The following PCDH7 variants were observed in gnomAD, a reference collection of about 807,000 sequenced individuals.
PCDH7 encodes the protein protocadherin 7.
In PCDH7, 17 loss-of-function variants were observed where a neutral mutation model predicts 58.9. The ratio of observed to expected loss-of-function variants is 0.29; its 90% CI spans 0.20 to 0.43. The LOEUF (loss-of-function observed/expected upper bound fraction) is 0.43. Ranked by LOEUF, PCDH7 falls within the 20% of genes least tolerant of loss-of-function variation. PCDH7 has a pLI of 1.00. For synonymous variants in PCDH7, 664 were observed against 616.4 expected, an observed-to-expected ratio of 1.08 and a Z score of -1.14; for missense variants, 1,274 against 1,441.0, an observed-to-expected ratio of 0.88 and a Z score of 1.88.
intron 1 of PCDH7, among the ~76,000 whole-genome samples, chr4:30,797,433 C>T (rs1007753835): frequency 7.9e-5 from 12 of 151,880 alleles, no homozygotes; most frequent in Admixed American, 5.3e-4. Context: ...CCACCACGCC[C>T]GGCTAATTTT....
chr4:30,740,373 G>A lies in PCDH7; in HGVS notation c.70+15777G>A, dbSNP rs79052420. 2.3e-3 allele frequency among the ~76,000 whole-genome samples: 343 copies of A among 152,180 alleles called. 1 individual carries two copies. The highest frequency in any genetic ancestry group is 8.1e-3 in the East Asian group (42 of 5,176). Reference sequence around the variant, plus strand: ...AGTTTCACCTTAAATCTTACCTTATGCAAAACAAAAGATGGGAAGATGCAT... The same window carrying A: ...AGTTTCACCTTAAATCTTACCTTATACAAAACAAAAGATGGGAAGATGCAT... On this transcript the variant is annotated intron_variant, in intron 1 of 3. Transcript: ENST00000509759.
intron 2 of PCDH7, chr4:30,925,977 C>G (rs1743817397): frequency 6.6e-6 from 1 of 152,124 alleles, no homozygotes; most frequent in Admixed American, 6.5e-5. Context: ...GGCTTTACCT[C>G]CTACAAGGAG....
At chr4:30,736,441 A>T (rs1333488065), downstream of PCDH7, among the ~76,000 whole-genome samples, 2 of 152,054 alleles carry the variant, frequency 1.3e-5, no homozygotes, top group Non-Finnish European at 2.9e-5. Context: ...GTGGTGTGCG[A>T]CTGTGTTAAC....
intron 1 of PCDH7, among the ~76,000 whole-genome samples, chr4:30,761,783 G>C (rs1720062740): frequency 6.6e-6 from 1 of 152,086 alleles, no homozygotes; most frequent in African/African-American, 2.4e-5. Flanking sequence ...TTCTTAAAAT[G>C]AATAATATAA....
At chr4:30,978,536 G>A (rs193001935) in intron 3 of PCDH7, among the ~76,000 whole-genome samples, 5 of 152,042 alleles carry the variant, frequency 3.3e-5, no homozygotes, top group African/African-American at 4.8e-5. Flanking sequence ...TGGTTCAAAC[G>A]TGCATATGTT....
chr4:30,754,050 C>T (rs1271992393), intron 1 of PCDH7, among the ~76,000 whole-genome samples: 1 of 152,134 alleles, frequency 6.6e-6, no homozygotes, highest in African/African-American at 2.4e-5. Flanking sequence ...ACCCTATACA[C>T]ACGCTTCTCC....
At chr4:30,898,672 G>A (rs1184716714) in intron 1 of PCDH7, among the ~76,000 whole-genome samples, 1 of 152,136 alleles carries the variant, frequency 6.6e-6, no homozygotes, top group Non-Finnish European at 1.5e-5. Flanking sequence ...CTCACTGCAA[G>A]CTCCACCTCC....
intron 3 of PCDH7, among the ~76,000 whole-genome samples, chr4:31,042,968 A>T (rs939316001): frequency 6.6e-6 from 1 of 152,074 alleles, no homozygotes; most frequent in Non-Finnish European, 1.5e-5. Flanking sequence ...AGGGTATCAC[A>T]TTCTGAGGGG....
chr4:30,915,303 TC>T (rs1418103760), intron 1 of PCDH7, among the ~76,000 whole-genome samples: 3 of 152,188 alleles, frequency 2.0e-5, no homozygotes, highest in African/African-American at 7.2e-5. Context: ...AAGCCAATCT[TC>T]TACTTCTTTT....
At position 30,722,034 on chromosome 4, in the gene PCDH7, C is replaced by T; in HGVS notation, c.612C>T (p.Ala204=). 1 of 1,246,948 alleles carries T rather than the reference C, an allele frequency of 8.0e-7. No homozygotes were observed. The highest frequency in any genetic ancestry group is 1.0e-6 in the Non-Finnish European group (1 of 998,958). 77.2% of individuals were successfully genotyped at this position (1,246,948 alleles called of 1,614,324 possible). The change falls in exon 1 of 2, where the codon GCC becomes GCT. Residue 204 remains alanine (A), a synonymous_variant. Coordinates refer to ENST00000361762, the Ensembl canonical transcript of PCDH7. This position sits in a 1 kb window ranked among gnomAD's most constrained non-coding sequence, Gnocchi z 7.6. Reference sequence around the variant, plus strand: ...GGCGCGCCGGGGCGGCCGACAGCGCCCCCTACCCCGGGGGCGGCGGGAACG... The same window carrying T: ...GGCGCGCCGGGGCGGCCGACAGCGCTCCCTACCCCGGGGGCGGCGGGAACG...
chr4:30,765,630 C>T (rs1720643499), intron 1 of PCDH7, among the ~76,000 whole-genome samples: 1 of 152,100 alleles, frequency 6.6e-6, no homozygotes, highest in African/African-American at 2.4e-5. Context: ...ATGGTATTTT[C>T]TAGGCTTACA....
chr4:31,039,912 C>G (rs1437599634), intron 3 of PCDH7, among the ~76,000 whole-genome samples: 1 of 152,032 alleles, frequency 6.6e-6, no homozygotes, highest in Non-Finnish European at 1.5e-5. Context: ...GACATTCAAA[C>G]TAAGATTGTT....
chr4:30,810,897 A>G (rs1266175457), intron 1 of PCDH7, among the ~76,000 whole-genome samples: 7 of 152,190 alleles, frequency 4.6e-5, no homozygotes, highest in African/African-American at 1.7e-4. Flanking sequence ...GGTGTGAGCC[A>G]CCACGTATGG....
intron 3 of PCDH7, among the ~76,000 whole-genome samples, chr4:30,962,776 TAAAAAAAAAAAAAAAAAAAA>T (rs57257786): frequency 1.4e-5 from 1 of 70,610 alleles, no homozygotes; most frequent in Non-Finnish European, 2.7e-5. Context: ...GACCCAGTCT[TAAAAAAAAAAAAAAAAAAAA>T]AAAAAAAAAC....
chr4:30,997,763 A>C (rs1752032233), intron 3 of PCDH7, among the ~76,000 whole-genome samples: 1 of 152,142 alleles, frequency 6.6e-6, no homozygotes, highest in Admixed American at 6.6e-5. Flanking sequence ...TATATTTGTA[A>C]TCAAGACATT....
chr4:30,960,943 A>C (rs1222312282), intron 3 of PCDH7, among the ~76,000 whole-genome samples: 1 of 152,228 alleles, frequency 6.6e-6, no homozygotes, highest in African/African-American at 2.4e-5. Context: ...CTGAATATAG[A>C]ATGTAAAACA....
chr4:30,966,010 G>A (rs958801381), intron 3 of PCDH7, among the ~76,000 whole-genome samples: 17 of 152,094 alleles, frequency 1.1e-4, no homozygotes, highest in Non-Finnish European at 2.5e-4. Flanking sequence ...GTGCACATAA[G>A]ATGATTTAGG....
intron 1 of PCDH7, among the ~76,000 whole-genome samples, chr4:30,866,078 T>A (rs1481123985): frequency 6.6e-6 from 1 of 152,124 alleles, no homozygotes; most frequent in Non-Finnish European, 1.5e-5. Context: ...CCTGTCTTTT[T>A]AAAGCTCTCT....
chr4:30,981,878 T>C (rs1337464569), intron 3 of PCDH7, among the ~76,000 whole-genome samples: 1 of 152,220 alleles, frequency 6.6e-6, no homozygotes, highest in African/African-American at 2.4e-5. Flanking sequence ...CACTGTAGAA[T>C]GCCATTCACC....
Sources: allele counts gnomAD v4.1 joint callset (sites outside exome capture counted in the v4.1 genomes callset), GRCh38; gene constraint gnomAD v4.1.1; non-coding constraint Gnocchi (gnomAD v3.1); transcripts MANE v1.5; gene names NCBI Gene and HGNC (gene_info 2026-07-23, HGNC 2026-07-21).